Variants in LAMA2 observed in about 807,000 individuals in gnomAD.
LAMA2 encodes laminin subunit alpha-2.
A neutral mutation model predicts 364.8 loss-of-function variants in LAMA2; 269 were observed. The ratio of observed to expected loss-of-function variants is 0.74; its 90% CI spans 0.67 to 0.82. The LOEUF (loss-of-function observed/expected upper bound fraction) is 0.82. Ranked by LOEUF, LAMA2 falls within the 40% of genes least tolerant of loss-of-function variation. The pLI, the probability that LAMA2 is intolerant of heterozygous loss-of-function variation, is 0.00. For missense variants in LAMA2, 3,807 were observed against 3,873.2 expected (o/e 0.98, Z 0.45); for synonymous variants, 1,379 against 1,370.6 (o/e 1.01, Z -0.14).
intron 12 of LAMA2, among the ~76,000 whole-genome samples, chr6:129,200,650 A>C (rs1198378743): frequency 6.6e-6 from 1 of 152,042 alleles, no homozygotes; most frequent in Non-Finnish European, 1.5e-5. Flanking sequence ...TGCCCTTATG[A>C]AAATCTTATC....
At chr6:129,185,307 G>A (rs976282567) in intron 10 of LAMA2, among the ~76,000 whole-genome samples, 1 of 151,582 alleles carries the variant, frequency 6.6e-6, no homozygotes, top group Non-Finnish European at 1.5e-5. Context: ...ACTGTACTGA[G>A]GAAACTATAG....
chr6:128,914,259 A>G (rs1001796176), intron 1 of LAMA2, among the ~76,000 whole-genome samples: 12 of 152,182 alleles, frequency 7.9e-5, no homozygotes, highest in Admixed American at 4.6e-4. Flanking sequence ...TGATACTTCA[A>G]ACCAATGGTT....
intron 1 of LAMA2, among the ~76,000 whole-genome samples, chr6:129,020,653 CG>C (rs982476419): frequency 1.3e-5 from 2 of 152,112 alleles, no homozygotes; most frequent in African/African-American, 4.8e-5. Flanking sequence ...CGTGGTGTCC[CG>C]GGAGTTTCCT....
At chr6:128,983,122 A>T (rs1350321741) in intron 1 of LAMA2, among the ~76,000 whole-genome samples, 1 of 152,134 alleles carries the variant, frequency 6.6e-6, no homozygotes, top group Non-Finnish European at 1.5e-5. Context: ...CTTTGGGTAC[A>T]TACCCAGTAA....
At chr6:129,416,499 C>A (rs1009896661) in intron 40 of LAMA2, among the ~76,000 whole-genome samples, 23 of 152,108 alleles carry the variant, frequency 1.5e-4, no homozygotes, top group Non-Finnish European at 2.6e-4. Flanking sequence ...CCAGATATGT[C>A]AGGGCACACA....
Position 129,328,391 on chromosome 6 carries a change from C to A in LAMA2, c.4290C>A (p.Asp1430Glu). The A allele has an allele frequency of 6.2e-7, 1 of 1,614,120 alleles. No individual in the cohort carries two copies. The highest frequency in any genetic ancestry group is 1.1e-5 in the South Asian group (1 of 91,072). The change falls in exon 29 of 65, where the codon GAC (aspartate) becomes GAA (glutamate). Residue 1430 changes from aspartate (D) to glutamate (E), a missense_variant. By Grantham distance (45) the Asp-to-Glu change is conservative (BLOSUM62 2). This residue lies in a region of LAMA2 where 3,333 missense variants were observed against 3,345.7 expected (regional missense o/e 1.00). Coordinates refer to ENST00000421865, the MANE Select transcript of LAMA2 (RefSeq NM_000426.4). The part of the protein sequence containing the change: ...CQCNGHSSLC[D>E]PETSICQNCQ... Reference sequence around the variant, plus strand: ...GTAATGGACACAGCAGCCTGTGTGACCCTGAAACATCGATATGCCAGGTAG... The same window carrying A: ...GTAATGGACACAGCAGCCTGTGTGAACCTGAAACATCGATATGCCAGGTAG...
chr6:128,976,427 T>C (rs996612881), intron 1 of LAMA2, among the ~76,000 whole-genome samples: 2 of 152,144 alleles, frequency 1.3e-5, no homozygotes. Context: ...GGCATAAAAA[T>C]ACTCATTTGA....
chr6:129,514,204 A>ATACTT (rs1279204483), intron 63 of LAMA2, among the ~76,000 whole-genome samples, 169 bp from the exon 64 acceptor site: 4 of 152,192 alleles, frequency 2.6e-5, no homozygotes, highest in Admixed American at 6.5e-5. Flanking sequence ...GATTAGATTT[A>ATACTT]TACTTTAATT....
chr6:129,328,713 AAACTT>A lies in LAMA2; in HGVS notation c.4311+302_4311+306del, dbSNP rs1436387585. Among the ~76,000 whole-genome samples, 45 of 152,340 alleles carry A rather than the reference AAACTT, an allele frequency of 3.0e-4. No homozygotes were observed. The East Asian group carries it at 4.6e-3, about 16-fold the overall frequency. Reference sequence around the variant, plus strand: ...TTTTTCTGATTATTTTCTTATAAATAAACTTTCTATAAAATTTGGAAATTACAGAA... The same window carrying A: ...TTTTTCTGATTATTTTCTTATAAATATCTATAAAATTTGGAAATTACAGAA... On this transcript the variant is annotated intron_variant, in intron 29 of 64. Coordinates refer to ENST00000421865, the MANE Select transcript of LAMA2 (RefSeq NM_000426.4).
At chr6:129,022,528 C>T (rs572473948) in intron 1 of LAMA2, among the ~76,000 whole-genome samples, 2 of 152,236 alleles carry the variant, frequency 1.3e-5, no homozygotes, top group East Asian at 1.9e-4. Flanking sequence ...GTACTTTAAT[C>T]GCTTTTAGCC....
At chr6:129,451,475 A>G (rs773456118) in intron 45 of LAMA2, among the ~76,000 whole-genome samples, 4 of 152,090 alleles carry the variant, frequency 2.6e-5, no homozygotes, top group Non-Finnish European at 5.9e-5. Context: ...GCCCCAGGCC[A>G]CCACACTCAG....
intron 1 of LAMA2, among the ~76,000 whole-genome samples, chr6:128,980,446 C>T (rs569456222): frequency 6.6e-6 from 1 of 152,234 alleles, no homozygotes; most frequent in African/African-American, 2.4e-5. Context: ...CGTGACCATT[C>T]ACAGAAGGCA....
At chr6:128,939,943 C>G (rs905016590) in intron 1 of LAMA2, among the ~76,000 whole-genome samples, 4 of 152,124 alleles carry the variant, frequency 2.6e-5, no homozygotes, top group African/African-American at 9.7e-5. Context: ...CCCTTCACGG[C>G]ATCCAGAATG....
chr6:129,499,260 G>C (rs1299133838), intron 58 of LAMA2, among the ~76,000 whole-genome samples: 1 of 152,018 alleles, frequency 6.6e-6, no homozygotes, highest in Non-Finnish European at 1.5e-5. Flanking sequence ...TACTGAGACT[G>C]TGAATTTTTT....
At chr6:129,367,902 T>C (rs534704941) in intron 33 of LAMA2, among the ~76,000 whole-genome samples, 1 of 152,318 alleles carries the variant, frequency 6.6e-6, no homozygotes, top group Admixed American at 6.5e-5. Flanking sequence ...GGAGCTGCTG[T>C]GACAAATACC....
chr6:129,372,644 A>G (rs1284860738), intron 34 of LAMA2, among the ~76,000 whole-genome samples: 2 of 152,206 alleles, frequency 1.3e-5, no homozygotes, highest in African/African-American at 4.8e-5. Context: ...TAAGTTTTCA[A>G]CCTATTTGGG....
chr6:129,153,794 A>G (rs1439302779), intron 7 of LAMA2, among the ~76,000 whole-genome samples: 1 of 152,152 alleles, frequency 6.6e-6, no homozygotes, highest in African/African-American at 2.4e-5. Flanking sequence ...GAATTATATT[A>G]TACATACTTT....
chr6:129,105,436 A>G (rs1278117889), intron 4 of LAMA2, among the ~76,000 whole-genome samples: 1 of 152,038 alleles, frequency 6.6e-6, no homozygotes, highest in Non-Finnish European at 1.5e-5. Context: ...AAAAATAGCT[A>G]CTCCTGAGAC....
At chr6:129,403,985 G>T (rs760892367) in intron 40 of LAMA2, 26 bp downstream of exon 40, 11 of 1,612,844 alleles carry the variant, frequency 6.8e-6, no homozygotes, top group South Asian at 4.4e-5. Flanking sequence ...CACATGTGCT[G>T]GGAATGGAAG....
Sources: gnomAD v4.1 joint callset for allele counts (sites outside exome capture counted in the v4.1 genomes callset) on GRCh38, gnomAD v4.1.1 for gene constraint, gnomAD v4.1.1 regional missense constraint, MANE v1.5 for transcripts, NCBI Gene and HGNC (gene_info 2026-07-23, HGNC 2026-07-21) for gene names.